BRF1: variants seen among roughly 807,000 people sequenced by gnomAD.
The protein encoded by BRF1 is BRF1 general transcription factor IIIB subunit, also known as transcription factor IIIB 90 kDa subunit.
A neutral mutation model predicts 81.7 loss-of-function variants in BRF1; 59 were observed. The ratio of observed to expected loss-of-function variants is 0.72; its 90% CI spans 0.59 to 0.90. BRF1 has a LOEUF of 0.90. BRF1 is among the 40% of genes least tolerant of loss of function. The pLI is 0.00. For missense variants in BRF1, 1,050 were observed against 936.3 expected (o/e 1.12, Z -1.58); for synonymous variants, 491 against 395.6 (o/e 1.24, Z -2.86).
intron 15 of BRF1, chr14:105,213,529 G>A (rs993525021): frequency 1.3e-5 from 2 of 152,104 alleles, no homozygotes; most frequent in African/African-American, 4.8e-5. Context: ...TTGGCAGACT[G>A]TACCTTAGCT....
chr14:105,253,147 C>T (rs889716247), intron 4 of BRF1, among the ~76,000 whole-genome samples: 12 of 152,226 alleles, frequency 7.9e-5, no homozygotes, highest in African/African-American at 2.2e-4. Flanking sequence ...AGGGCAACGC[C>T]GAGGGCTGGC....
intron 5 of BRF1, among the ~76,000 whole-genome samples, chr14:105,245,998 G>C (rs587688999): frequency 6.6e-6 from 1 of 152,210 alleles, no homozygotes; most frequent in Admixed American, 6.5e-5. Context: ...GAATGGAAGA[G>C]ACTATGTGCA....
chr14:105,299,987 G>C (rs72711565), intron 1 of BRF1, among the ~76,000 whole-genome samples: 3 of 152,222 alleles, frequency 2.0e-5, no homozygotes, highest in African/African-American at 7.2e-5. Flanking sequence ...TCCCCAGCCC[G>C]CAATACTGCC....
At position 105,219,225 on chromosome 14, in the gene BRF1, A is replaced by G; in HGVS notation, c.1385T>C (p.Leu462Pro). 2 of 1,612,128 alleles carry G rather than the reference A, an allele frequency of 1.2e-6. No individual in the cohort carries two copies. The highest frequency in any genetic ancestry group is 1.1e-5 in the South Asian group (1 of 91,066). The change falls in exon 13 of 18, where the codon CTG becomes CCG. Residue 462 changes from leucine to proline, a missense_variant. This residue lies in a region of BRF1 where 1,043 missense variants were observed against 915.4 expected (regional missense o/e 1.14). Coordinates refer to ENST00000547530, the MANE Select transcript of BRF1 (RefSeq NM_001519.4). ...IDDLEIDRYI[L>P]NESEARVKAE... is the part of the protein sequence containing the mutation. ...CTTCACGCGGGCTTCCGACTCATTC[A>G]GGATGTACTGGGCGAGCACAGGGAA...
intron 1 of BRF1, among the ~76,000 whole-genome samples, chr14:105,298,031 A>C (rs1045809522): frequency 6.6e-6 from 1 of 152,208 alleles, no homozygotes; most frequent in African/African-American, 2.4e-5. Context: ...ATGCTCCAAA[A>C]CATGAAACTT....
rs1273310043 is a variant in BRF1, at chr14:105,226,537, G to C, written c.915+97C>G. 7 of 1,575,672 alleles carry C rather than the reference G, an allele frequency of 4.4e-6. No homozygotes were observed. The South Asian group carries it at 5.7e-5, about 13-fold the overall frequency. Reference sequence around the variant, plus strand: ...CACTGAAGAGCGGCTATGAGGCTTTGGGATGGCACCAGCTCTGCTACAACC... The same window carrying C: ...CACTGAAGAGCGGCTATGAGGCTTTCGGATGGCACCAGCTCTGCTACAACC... On this transcript the variant is annotated intron_variant, in intron 8 of 17. Transcript: ENST00000547530.
At chr14:105,310,197 G>C (rs902350371) in intron 1 of BRF1, among the ~76,000 whole-genome samples, 3 of 151,848 alleles carry the variant, frequency 2.0e-5, no homozygotes, top group African/African-American at 4.8e-5. Flanking sequence ...ATTTTTTAGT[G>C]GTCTTATGGA....
intron 1 of BRF1, among the ~76,000 whole-genome samples, chr14:105,293,573 A>T (rs1463190412): frequency 6.6e-6 from 1 of 152,230 alleles, no homozygotes; most frequent in Non-Finnish European, 1.5e-5. Flanking sequence ...AGTGCAGGAC[A>T]CTGATGTGGG....
At chr14:105,242,323 G>A (rs1012971067) in intron 5 of BRF1, 3 of 152,228 alleles carry the variant, frequency 2.0e-5, no homozygotes, top group Non-Finnish European at 2.9e-5. Flanking sequence ...TGGTGATTTG[G>A]CTGCTAAAAT....
intron 1 of BRF1, among the ~76,000 whole-genome samples, 196 bp downstream of exon 1, chr14:105,300,250 C>T (rs2057945678): frequency 6.6e-6 from 1 of 152,232 alleles, no homozygotes; most frequent in African/African-American, 2.4e-5. Context: ...CCACGCACGC[C>T]ACGGGGGTCC....
upstream of BRF1, among the ~76,000 whole-genome samples, chr14:105,302,660 A>G (rs372043216): frequency 2.0e-5 from 3 of 151,788 alleles, no homozygotes; most frequent in East Asian, 1.9e-4. Context: ...ATCAAGCCTC[A>G]CTGCAGACTC....
intron 7 of BRF1, chr14:105,227,873 G>C (rs1030794548): frequency 6.6e-6 from 1 of 152,232 alleles, no homozygotes; most frequent in Non-Finnish European, 1.5e-5. Flanking sequence ...CACAATCTCA[G>C]CTGAAAAACA....
intron 5 of BRF1, chr14:105,249,851 G>C: frequency 6.2e-7 from 1 of 1,612,970 alleles, no homozygotes; most frequent in Non-Finnish European, 8.5e-7. Context: ...GGTCATTGAC[G>C]CACAGGCCGA....
chr14:105,248,824 C>T (rs1001380786), intron 5 of BRF1: 13 of 987,162 alleles, frequency 1.3e-5, no homozygotes, highest in Middle Eastern at 1.0e-3. Context: ...GCGCGGGGCG[C>T]GGCGTCCACA....
intron 1 of BRF1, among the ~76,000 whole-genome samples, chr14:105,288,228 G>A (rs1045351028): frequency 6.6e-6 from 1 of 152,178 alleles, no homozygotes; most frequent in African/African-American, 2.4e-5. Context: ...GCCGAGGTGG[G>A]TGGATCACGA....
At position 105,226,758 on chromosome 14, in the gene BRF1, A is replaced by G; in HGVS notation, c.791T>C (p.Leu264Pro). Residue 264 changes from leucine (L) to proline (P), a missense_variant and splice_region_variant, in exon 8 of 18, where the codon CTC becomes CCC. Physicochemically the swap from Leu to Pro is moderately conservative, Grantham distance 98. Coordinates refer to ENST00000547530, the MANE Select transcript of BRF1 (RefSeq NM_001519.4). ...GGTGGGGGTGTCTTCAAATTCCGTGAGCCTAAAATGGAGCCAGACATGGGA... is the reference window on the plus strand; with the variant it reads ...GGTGGGGGTGTCTTCAAATTCCGTGGGCCTAAAATGGAGCCAGACATGGGA... ...KVCESTLRKR[L>P]TEFEDTPTSQ... 2 of 1,613,542 alleles carry G rather than the reference A, an allele frequency of 1.2e-6. No individual in the cohort carries two copies. The highest frequency in any genetic ancestry group is 8.5e-7 in the Non-Finnish European group (1 of 1,179,994).
intron 1 of BRF1, among the ~76,000 whole-genome samples, chr14:105,312,446 C>T (rs2058372858): frequency 6.6e-6 from 1 of 152,222 alleles, no homozygotes. Context: ...TCTTGGACCT[C>T]CTCCCCAACC....
At chr14:105,223,953 T>C (rs371440141) in intron 10 of BRF1, among the ~76,000 whole-genome samples, 71 of 152,336 alleles carry the variant, frequency 4.7e-4, no homozygotes, top group African/African-American at 1.7e-3. Context: ...ACTAACCCAA[T>C]AATGCCGCAC....
At chr14:105,215,778 GCA>G (rs587627730) in intron 15 of BRF1, among the ~76,000 whole-genome samples, 42 of 92,830 alleles carry the variant, frequency 4.5e-4, no homozygotes, top group South Asian at 3.4e-3. Flanking sequence ...CACACACACT[GCA>G]CACACACACA....
Sources: allele counts gnomAD v4.1 joint callset (sites outside exome capture counted in the v4.1 genomes callset), GRCh38; gene constraint gnomAD v4.1.1; regional missense constraint gnomAD v4.1.1; transcripts MANE v1.5; gene names NCBI Gene and HGNC (gene_info 2026-07-23, HGNC 2026-07-21).